Variants in FKTN observed in about 807,000 individuals in gnomAD.
The protein encoded by FKTN is fukutin.
Under a neutral mutation model 58.6 loss-of-function variants are expected in FKTN, and 47 were observed. The observed-to-expected ratio is 0.80, with a 90% CI of 0.63 to 1.02. FKTN has a LOEUF of 1.02. FKTN is among the 50% of genes least tolerant of loss of function. The pLI is 0.00. For missense variants in FKTN, 516 were observed against 537.3 expected, an observed-to-expected ratio of 0.96 and a Z score of 0.39; for synonymous variants, 178 against 191.9, an observed-to-expected ratio of 0.93 and a Z score of 0.60.
chr9:105,562,128 T>C (rs1007154786), intron 1 of FKTN, among the ~76,000 whole-genome samples: 28 of 152,254 alleles, frequency 1.8e-4, no homozygotes, highest in Non-Finnish European at 8.8e-5. Context: ...CCTGAAGGAT[T>C]CTTCCTGTGC....
At chr9:105,578,573 A>G (rs1842222173) in intron 3 of FKTN, among the ~76,000 whole-genome samples, 1 of 151,070 alleles carries the variant, frequency 6.6e-6, no homozygotes, top group Non-Finnish European at 1.5e-5. Context: ...TCGGTTTGCC[A>G]GTATTTTATT....
chr9:105,568,594 A>G (rs1182587866), intron 1 of FKTN, among the ~76,000 whole-genome samples: 1 of 152,250 alleles, frequency 6.6e-6, no homozygotes, highest in Non-Finnish European at 1.5e-5. Flanking sequence ...ATAAGATACC[A>G]TCTCACACCA....
intron 6 of FKTN, among the ~76,000 whole-genome samples, chr9:105,606,194 C>T (rs944107423): frequency 3.9e-5 from 6 of 152,038 alleles, no homozygotes; most frequent in Non-Finnish European, 7.4e-5. Flanking sequence ...CAGAGAACTA[C>T]AGGGAAACTG....
chr9:105,567,716 C>A (rs1839933451), intron 1 of FKTN, among the ~76,000 whole-genome samples: 1 of 152,140 alleles, frequency 6.6e-6, no homozygotes, highest in African/African-American at 2.4e-5. Context: ...GCCATACTGC[C>A]CAAGGTAATT....
At chr9:105,586,296 G>A (rs1843890608) in intron 3 of FKTN, among the ~76,000 whole-genome samples, 1 of 152,162 alleles carries the variant, frequency 6.6e-6, no homozygotes, top group Non-Finnish European at 1.5e-5. Flanking sequence ...TCAGATTCCA[G>A]AACAACCCTT....
chr9:105,629,028 TAAGA>T lies in FKTN; in HGVS notation c.1173-6022_1173-6019del, dbSNP rs554342065. On this transcript the variant is annotated intron_variant, in intron 10 of 10. Transcript: ENST00000357998. ...TATACATTTATCAAAACTCATCACT[TAAGA>T]TAGATGCATTTCATTATACTTAACT... Among the ~76,000 whole-genome samples, 811 of 152,286 alleles carry T rather than the reference TAAGA, an allele frequency of 5.3e-3. 8 individuals are homozygous for T. The highest frequency in any genetic ancestry group is 0.019 in the African/African-American group (785 of 41,552).
At chr9:105,613,967 A>C (rs1387078071) in intron 7 of FKTN, among the ~76,000 whole-genome samples, 2 of 152,218 alleles carry the variant, frequency 1.3e-5, no homozygotes, top group Non-Finnish European at 2.9e-5. Context: ...TATCAGACAA[A>C]GGAAACAAGT....
At chr9:105,625,707 G>C (rs1832662087) in intron 10 of FKTN, among the ~76,000 whole-genome samples, 1 of 152,090 alleles carries the variant, frequency 6.6e-6, no homozygotes, top group African/African-American at 2.4e-5. Context: ...CTTAGAGCTA[G>C]AGAAAAATTA....
chr9:105,639,639 TAAG>T lies in FKTN; in HGVS notation c.*4378_*4380del. The T allele has an allele frequency of 1.0e-6, 1 of 952,400 alleles. No homozygotes were observed. The highest frequency in any genetic ancestry group is 4.9e-5 in the South Asian group (1 of 20,570). The allele number at this position is 952,400 out of a possible 1,614,324, so 59.0% of individuals were successfully genotyped here. On this transcript the variant is annotated 3_prime_UTR_variant, in exon 11 of 11. Transcript: ENST00000357998. ...AAAAGATTGCATGACTGAATTTGCTTAAGAAAAAAAAAATTGTATCAAGTCATT... is the reference window on the plus strand; with the variant it reads ...AAAAGATTGCATGACTGAATTTGCTTAAAAAAAAAATTGTATCAAGTCATT...
At chr9:105,564,341 A>T (rs558408822) in intron 1 of FKTN, among the ~76,000 whole-genome samples, 8 of 152,368 alleles carry the variant, frequency 5.3e-5, no homozygotes, top group African/African-American at 1.7e-4. Flanking sequence ...CAGACGATCA[A>T]ACTTCTCCGA....
In FKTN at chr9:105,639,748, C is replaced by T; in HGVS notation, c.*4484C>T. The T allele has an allele frequency of 9.7e-7, 1 of 1,026,126 alleles. No individual in the cohort carries two copies. The highest frequency in any genetic ancestry group is 1.2e-6 in the Non-Finnish European group (1 of 851,306). 63.6% of individuals were successfully genotyped at this position (1,026,126 alleles called of 1,614,324 possible). A position where few individuals can be genotyped will look rare whatever the true frequency, so the allele number is the denominator to read the frequency against. ...AGAGACATTACCAGTTTGCCTCCTTCTCTCAATAGAACTTGTATTTTCATT... is the reference window on the plus strand; with the variant it reads ...AGAGACATTACCAGTTTGCCTCCTTTTCTCAATAGAACTTGTATTTTCATT... On this transcript the variant is annotated 3_prime_UTR_variant, in exon 11 of 11. Transcript: ENST00000357998.
At chr9:105,616,188 C>A (rs756186559) in intron 8 of FKTN, among the ~76,000 whole-genome samples, 1 of 152,192 alleles carries the variant, frequency 6.6e-6, no homozygotes, top group Admixed American at 6.5e-5. Flanking sequence ...AGCAAAACCA[C>A]GGATATGGCA....
chr9:105,627,476 T>C (rs1588275340), intron 10 of FKTN, among the ~76,000 whole-genome samples: 1 of 152,228 alleles, frequency 6.6e-6, no homozygotes, highest in Non-Finnish European at 1.5e-5. Flanking sequence ...TTAGACTCTA[T>C]ACTTTATTTG....
In FKTN at chr9:105,637,770, T is replaced by A. The variant is rs896633575; in HGVS notation, c.*2506T>A. The A allele has an allele frequency of 1.0e-6, 1 of 985,260 alleles. No homozygotes were observed. The highest frequency in any genetic ancestry group is 1.7e-5 in the African/African-American group (1 of 57,238). 61.0% of individuals were successfully genotyped at this position (985,260 alleles called of 1,614,324 possible). ...TCCTGAGAGGCAAGATTCCTCTTAATTGATAACCAGGACAACCAGGTAGTC... is the reference window on the plus strand; with the variant it reads ...TCCTGAGAGGCAAGATTCCTCTTAAATGATAACCAGGACAACCAGGTAGTC... On this transcript the variant is annotated 3_prime_UTR_variant, in exon 11 of 11. Transcript: ENST00000357998.
chr9:105,635,572 G>A lies in FKTN; in HGVS notation c.*308G>A. 8.0e-7 allele frequency: 1 copy of A among 1,246,956 alleles called. No individual in the cohort carries two copies. Among genetic ancestry groups the A allele is most frequent in the East Asian group, 4.4e-5 (1 of 22,480 alleles). The allele number at this position is 1,246,956 out of a possible 1,614,324, so 77.2% of individuals were successfully genotyped here. On this transcript the variant is annotated 3_prime_UTR_variant, in exon 11 of 11. Coordinates refer to ENST00000357998, the MANE Select transcript of FKTN (RefSeq NM_001079802.2). ...GGAACCCTCCCCCACCCTTTGAAGA[G>A]TTCAAGTTCTGTACAGGTTTTTAAA...
chr9:105,571,103 G>A lies in FKTN; in HGVS notation c.-180-2552G>A, dbSNP rs116876875. Among the ~76,000 whole-genome samples the A allele has an allele frequency of 8.5e-3, 1,294 of 152,256 alleles. 12 individuals carry two copies. Among genetic ancestry groups the A allele is most frequent in the Middle Eastern group, 0.024 (7 of 294 alleles). On this transcript the variant is annotated intron_variant, in intron 1 of 10. Coordinates refer to ENST00000357998, the MANE Select transcript of FKTN (RefSeq NM_001079802.2). ...ACTATTGAAAAGTTTTGATTGTGGT[G>A]TAACTTGATTTATCTGTCAGCAACT...
intron 1 of FKTN, among the ~76,000 whole-genome samples, chr9:105,570,720 A>G (rs1262187488): frequency 6.6e-6 from 1 of 152,044 alleles, no homozygotes; most frequent in African/African-American, 2.4e-5. Context: ...TGTGCCCATT[A>G]AGGTAGACAG....
chr9:105,595,438 G>A (rs1405788351), intron 3 of FKTN, among the ~76,000 whole-genome samples: 1 of 152,172 alleles, frequency 6.6e-6, no homozygotes, highest in Non-Finnish European at 1.5e-5. Context: ...ATCAACTAAT[G>A]TAGGACTAAG....
chr9:105,587,803 C>G (rs1323696721), intron 3 of FKTN, among the ~76,000 whole-genome samples: 2 of 152,096 alleles, frequency 1.3e-5, no homozygotes, highest in Non-Finnish European at 2.9e-5. Context: ...AGAATCACAG[C>G]TTTTCTACCA....
Sources: gnomAD v4.1 joint callset for allele counts (sites outside exome capture counted in the v4.1 genomes callset) on GRCh38, gnomAD v4.1.1 for gene constraint, MANE v1.5 for transcripts, NCBI Gene and HGNC (gene_info 2026-07-23, HGNC 2026-07-21) for gene names.